DAB1: variants seen among roughly 807,000 people sequenced by gnomAD.
DAB1 encodes the protein disabled homolog 1.
A neutral mutation model predicts 64.6 loss-of-function variants in DAB1; 15 were observed. The observed-to-expected ratio is 0.23, with a 90% CI of 0.16 to 0.36. DAB1 has a LOEUF of 0.36. Among genes scored for constraint, DAB1 ranks in the 10% least tolerant of loss-of-function variants. The pLI is 1.00. For synonymous variants in DAB1, 235 were observed against 251.9 expected (o/e 0.93, Z 0.64); for missense variants, 596 against 706.7 (o/e 0.84, Z 1.78).
intron 4 of DAB1, among the ~76,000 whole-genome samples, chr1:58,313,700 G>A (rs1052679620): frequency 3.3e-5 from 5 of 152,070 alleles, no homozygotes; most frequent in Admixed American, 1.3e-4. Flanking sequence ...TTAAGCAGCC[G>A]ACATTTATTT....
At chr1:57,977,273 C>T (rs1645943181) in intron 5 of DAB1, among the ~76,000 whole-genome samples, 1 of 152,126 alleles carries the variant, frequency 6.6e-6, no homozygotes, top group African/African-American at 2.4e-5. Flanking sequence ...TAGCATAGTT[C>T]CAGAAAGGAT....
intron 7 of DAB1, among the ~76,000 whole-genome samples, chr1:57,619,372 T>A (rs559041394): frequency 6.6e-6 from 1 of 152,172 alleles, no homozygotes; most frequent in Non-Finnish European, 1.5e-5. Context: ...CCTTCTTAAC[T>A]ACAACATTTT....
intron 1 of DAB1, among the ~76,000 whole-genome samples, chr1:57,357,747 G>A (rs893327279): frequency 1.3e-5 from 2 of 151,798 alleles, no homozygotes; most frequent in Non-Finnish European, 2.9e-5. Flanking sequence ...TCCTTCTCAC[G>A]TGGCGGCAGG....
intron 5 of DAB1, among the ~76,000 whole-genome samples, chr1:57,936,666 G>T (rs1385210403): frequency 6.6e-6 from 1 of 152,064 alleles, no homozygotes; most frequent in Non-Finnish European, 1.5e-5. Flanking sequence ...GCCTCCCAAA[G>T]TGCTGGCATC....
At chr1:57,551,450 A>G (rs976349765) in intron 7 of DAB1, among the ~76,000 whole-genome samples, 2 of 152,204 alleles carry the variant, frequency 1.3e-5, no homozygotes, top group Non-Finnish European at 2.9e-5. Flanking sequence ...TATTACAAGG[A>G]GGCTGAGTCA....
intron 7 of DAB1, among the ~76,000 whole-genome samples, chr1:57,487,230 G>C (rs1644103801): frequency 6.6e-6 from 1 of 152,210 alleles, no homozygotes; most frequent in Non-Finnish European, 1.5e-5. Context: ...TCTGACCTGA[G>C]TGATACCCAC....
chr1:57,436,234 G>A (rs1373472961), intron 7 of DAB1, among the ~76,000 whole-genome samples: 3 of 151,904 alleles, frequency 2.0e-5, no homozygotes, highest in African/African-American at 7.3e-5. Context: ...ACTTTTATAC[G>A]ACGGACAGCT....
At chr1:57,776,429 T>G (rs1285894436) in intron 6 of DAB1, among the ~76,000 whole-genome samples, 1 of 151,822 alleles carries the variant, frequency 6.6e-6, no homozygotes, top group Non-Finnish European at 1.5e-5. Context: ...ATGTTTATAT[T>G]AGTTACATTT....
intron 8 of DAB1, among the ~76,000 whole-genome samples, chr1:57,063,647 C>T (rs931202577): frequency 1.4e-4 from 21 of 152,190 alleles, no homozygotes; most frequent in Admixed American, 1.3e-3. Flanking sequence ...ACTATCAGCT[C>T]TGCCTCTTAC....
chr1:57,790,523 A>G (rs1030717977), intron 6 of DAB1, among the ~76,000 whole-genome samples: 5 of 152,200 alleles, frequency 3.3e-5, no homozygotes, highest in Admixed American at 2.6e-4. Context: ...CCAACCCCCA[A>G]TATCAGAGGA....
At chr1:58,529,742 T>A (rs1033153699) in intron 1 of DAB1, among the ~76,000 whole-genome samples, 1 of 152,146 alleles carries the variant, frequency 6.6e-6, no homozygotes, top group Admixed American at 6.5e-5. Context: ...AAAAACAATT[T>A]AAAAAACTAC....
intron 6 of DAB1, among the ~76,000 whole-genome samples, chr1:57,769,241 T>C (rs1649453918): frequency 6.6e-6 from 1 of 152,162 alleles, no homozygotes; most frequent in Non-Finnish European, 1.5e-5. Context: ...CAAAGGGCTA[T>C]GGAACAGTCA....
intron 7 of DAB1, among the ~76,000 whole-genome samples, chr1:57,570,702 C>A (rs1645184315): frequency 6.6e-6 from 1 of 151,952 alleles, no homozygotes; most frequent in African/African-American, 2.4e-5. Flanking sequence ...CCCCTTCAAA[C>A]AACTAGGATT....
chr1:57,575,969 C>T (rs545354757), intron 7 of DAB1, among the ~76,000 whole-genome samples: 1 of 152,214 alleles, frequency 6.6e-6, no homozygotes, highest in African/African-American at 2.4e-5. Flanking sequence ...CCTAGTACTT[C>T]AGAATGCAAG....
intron 1 of DAB1, among the ~76,000 whole-genome samples, chr1:57,883,762 G>A (rs1644181121): frequency 6.6e-6 from 1 of 152,152 alleles, no homozygotes; most frequent in African/African-American, 2.4e-5. Flanking sequence ...CACAGGAGGG[G>A]GACAAAGGCA....
At chr1:57,903,190 C>T (rs1644501684) in intron 5 of DAB1, among the ~76,000 whole-genome samples, 1 of 152,160 alleles carries the variant, frequency 6.6e-6, no homozygotes, top group Admixed American at 6.5e-5. Context: ...ATGGGAGCTA[C>T]CATTCAAGAT....
chr1:57,424,098 G>C (rs1685151680), upstream of DAB1: 1 of 151,470 alleles, frequency 6.6e-6, no homozygotes, highest in African/African-American at 2.4e-5. Flanking sequence ...GTCAGAGTAG[G>C]GGGAGGAGAC....
intron 1 of DAB1, 104 bp from the exon 2 acceptor site, chr1:57,291,270 C>T (rs1672755026): frequency 5.6e-6 from 2 of 354,690 alleles, no homozygotes; most frequent in South Asian, 2.1e-4. Flanking sequence ...AAATCTTGGT[C>T]TTTATGCAAA....
At chr1:57,801,511 G>T (rs769391797) in intron 6 of DAB1, among the ~76,000 whole-genome samples, 1 of 152,110 alleles carries the variant, frequency 6.6e-6, no homozygotes, top group Non-Finnish European at 1.5e-5. Context: ...TTTTGGAGAA[G>T]AAAATAAAAT....
Sources: allele counts gnomAD v4.1 joint callset (sites outside exome capture counted in the v4.1 genomes callset), GRCh38; gene constraint gnomAD v4.1.1; transcripts MANE v1.5; gene names NCBI Gene and HGNC (gene_info 2026-07-23, HGNC 2026-07-21).